Variants in TNRC6B observed in about 807,000 individuals in gnomAD.
TNRC6B encodes trinucleotide repeat-containing gene 6B protein.
A neutral mutation model predicts 203.6 loss-of-function variants in TNRC6B; 52 were observed. That is an observed-to-expected ratio of 0.26 (90% CI 0.20 to 0.32). The LOEUF (loss-of-function observed/expected upper bound fraction) is 0.32. Among genes scored for constraint, TNRC6B ranks in the 10% least tolerant of loss-of-function variants. The pLI, the probability that TNRC6B is intolerant of heterozygous loss-of-function variation, is 1.00. For missense variants in TNRC6B, 1,923 were observed against 2,286.2 expected, an observed-to-expected ratio of 0.84 and a Z score of 3.24; for synonymous variants, 838 against 845.7, an observed-to-expected ratio of 0.99 and a Z score of 0.16.
chr22:40,185,313 C>A (rs2069185732), intron 1 of TNRC6B, among the ~76,000 whole-genome samples: 1 of 152,220 alleles, frequency 6.6e-6, no homozygotes, highest in African/African-American at 2.4e-5. Context: ...AAGTTGATTT[C>A]TTTGGTAAGG....
At chr22:40,096,254 A>G (rs906918587) in intron 1 of TNRC6B, among the ~76,000 whole-genome samples, 4 of 152,216 alleles carry the variant, frequency 2.6e-5, no homozygotes, top group African/African-American at 9.6e-5. Flanking sequence ...TGTGAGGACA[A>G]TCATTGGCCA....
Position 40,267,141 on chromosome 22 carries a change from T to C in TNRC6B, c.2806+105T>C, listed in dbSNP as rs1438997801. ...TCAACTTAGTTTTGTTCTGAGATGC[T>C]TTCCTACAGTTTCTACTCTGTTGCT... On this transcript the variant is annotated intron_variant, in intron 5 of 22. Transcript: ENST00000454349. The C allele has an allele frequency of 1.2e-5, 14 of 1,183,986 alleles. No homozygotes were observed. In the Admixed American group the frequency reaches 1.2e-4, roughly 11 times the overall value. The allele number at this position is 1,183,986 out of a possible 1,614,324, so 73.3% of individuals were successfully genotyped here.
intron 3 of TNRC6B, among the ~76,000 whole-genome samples, chr22:40,255,290 C>T (rs924642639): frequency 5.3e-5 from 8 of 152,180 alleles, no homozygotes; most frequent in Non-Finnish European, 1.2e-4. Flanking sequence ...TGTCCTTTGC[C>T]ACTGGGACAC....
At chr22:40,094,314 G>A (rs1177623037) in intron 1 of TNRC6B, among the ~76,000 whole-genome samples, 1 of 152,016 alleles carries the variant, frequency 6.6e-6, no homozygotes. Flanking sequence ...AAGAAAGAAT[G>A]CTGCCAATTA....
intron 1 of TNRC6B, among the ~76,000 whole-genome samples, chr22:40,081,028 G>T (rs1224115381): frequency 1.3e-5 from 2 of 151,646 alleles, no homozygotes; most frequent in Admixed American, 1.3e-4. Context: ...GCTAATTTTT[G>T]CATTTTTAGT....
chr22:40,095,320 A>C (rs556222166), intron 1 of TNRC6B, among the ~76,000 whole-genome samples: 3 of 139,684 alleles, frequency 2.1e-5, no homozygotes, highest in African/African-American at 9.9e-5. Context: ...TAATATCTCA[A>C]ATTCCTTTGA....
At chr22:40,132,603 C>T (rs1226186623) in intron 3 of TNRC6B, among the ~76,000 whole-genome samples, 2 of 148,624 alleles carry the variant, frequency 1.3e-5, no homozygotes, top group African/African-American at 2.5e-5. Flanking sequence ...CAAGATCATG[C>T]CCCTGTACTC....
intron 4 of TNRC6B, among the ~76,000 whole-genome samples, chr22:40,164,664 A>C (rs990282878): frequency 6.8e-6 from 1 of 147,398 alleles, no homozygotes; most frequent in Non-Finnish European, 1.5e-5. Flanking sequence ...TAGGAGGCTG[A>C]GGCAGGAGAA....
At position 40,328,939 on chromosome 22, in the gene TNRC6B, C is replaced by G. The variant is rs2071433857; in HGVS notation, c.*5698C>G. ...AAATTTTTCGCTGGTTAAAAAAAAT[C>G]AAACTTTCCTCTGCAGTGTTTTTGC... On this transcript the variant is annotated 3_prime_UTR_variant, in exon 23 of 23. Transcript: ENST00000454349. 1 of 151,890 alleles carries G rather than the reference C, an allele frequency of 6.6e-6. No individual in the cohort carries two copies. Among genetic ancestry groups the G allele is most frequent in the Non-Finnish European group, 1.5e-5 (1 of 67,912 alleles). The allele number at this position is 151,890 out of a possible 1,614,324, so 9.4% of individuals were successfully genotyped here.
At chr22:40,227,075 AATTATTATTATTATTATTATT>A (rs66592054) in intron 1 of TNRC6B, among the ~76,000 whole-genome samples, 1 of 137,072 alleles carries the variant, frequency 7.3e-6, no homozygotes, top group African/African-American at 2.7e-5. Flanking sequence ...ACACCCAGCT[AATTATTATTATTATTATTATT>A]ATTATTATTA....
At chr22:40,179,244 T>G (rs547110559) in intron 1 of TNRC6B, among the ~76,000 whole-genome samples, 1 of 152,190 alleles carries the variant, frequency 6.6e-6, no homozygotes, top group Non-Finnish European at 1.5e-5. Flanking sequence ...TCTCAGAGCC[T>G]CCTCCCCCTA....
chr22:40,107,965 G>A (rs1000179116), intron 1 of TNRC6B, among the ~76,000 whole-genome samples: 3 of 150,926 alleles, frequency 2.0e-5, no homozygotes, highest in African/African-American at 2.4e-5. Context: ...TTTACAGTGC[G>A]CAAGATGCAC....
chr22:40,260,695 A>T (rs1034648016), intron 3 of TNRC6B, among the ~76,000 whole-genome samples: 1 of 152,198 alleles, frequency 6.6e-6, no homozygotes, highest in Admixed American at 6.5e-5. Context: ...ACCTTTCCCA[A>T]GGACTTTGCC....
intron 1 of TNRC6B, among the ~76,000 whole-genome samples, chr22:40,116,326 A>C (rs1197730848): frequency 6.6e-6 from 1 of 152,198 alleles, no homozygotes; most frequent in Non-Finnish European, 1.5e-5. Flanking sequence ...AACCTTGAGG[A>C]GCATTCCTTC....
chr22:40,062,337 A>T (rs1043557118), intron 1 of TNRC6B, among the ~76,000 whole-genome samples: 3 of 151,840 alleles, frequency 2.0e-5, no homozygotes, highest in Non-Finnish European at 4.4e-5. Flanking sequence ...AGTAGCTGGG[A>T]TTACAGACGT....
chr22:40,120,902 T>A (rs1232727247), intron 2 of TNRC6B, among the ~76,000 whole-genome samples: 3 of 152,086 alleles, frequency 2.0e-5, no homozygotes, highest in Non-Finnish European at 4.4e-5. Context: ...CTCGCCTGCC[T>A]CCTAGCCAAC....
At chr22:40,082,865 C>T (rs2068072435) in intron 1 of TNRC6B, among the ~76,000 whole-genome samples, 1 of 151,982 alleles carries the variant, frequency 6.6e-6, no homozygotes, top group African/African-American at 2.4e-5. Flanking sequence ...GAGATTTACT[C>T]AAGTAGATGG....
chr22:40,277,132 T>G lies in TNRC6B; in HGVS notation c.3197T>G (p.Phe1066Cys). The G allele has an allele frequency of 6.2e-7, 1 of 1,608,660 alleles. No homozygotes were observed. Among genetic ancestry groups the G allele is most frequent in the South Asian group, 1.1e-5 (1 of 89,424 alleles). Residue 1066 changes from phenylalanine to cysteine, a missense_variant, in exon 8 of 23, where the codon TTT becomes TGT. Coordinates refer to ENST00000454349, the MANE Select transcript of TNRC6B (RefSeq NM_001162501.2). ...TGGATGAATCCTCTTGCCAAACAGTTTTCAAATATGGGATTGCTGGTAAGT... is the reference window on the plus strand; with the variant it reads ...TGGATGAATCCTCTTGCCAAACAGTGTTCAAATATGGGATTGCTGGTAAGT... ...DSWMNPLAKQ[F>C]SNMGLLSQTE...
At chr22:40,069,211 C>T (rs753643478) in intron 1 of TNRC6B, among the ~76,000 whole-genome samples, 2 of 152,056 alleles carry the variant, frequency 1.3e-5, no homozygotes, top group African/African-American at 4.8e-5. Context: ...AAGCAGCCCT[C>T]GCACCTCAGC....
Sources: gnomAD v4.1 joint callset for allele counts (sites outside exome capture counted in the v4.1 genomes callset) on GRCh38, gnomAD v4.1.1 for gene constraint, MANE v1.5 for transcripts, NCBI Gene and HGNC (gene_info 2026-07-23, HGNC 2026-07-21) for gene names.